Variants in DGKB observed in about 807,000 individuals in gnomAD.
DGKB encodes 90 kDa diacylglycerol kinase.
A neutral mutation model predicts 114.3 loss-of-function variants in DGKB; 67 were observed. That is an observed-to-expected ratio of 0.59 (90% CI 0.48 to 0.72). DGKB has a LOEUF of 0.72. DGKB is among the 30% of genes least tolerant of loss of function. The probability of loss-of-function intolerance (pLI) is 0.00; values close to 1 mark genes in which losing one functional copy is unlikely to be tolerated. For missense variants in DGKB, 907 were observed against 975.2 expected, an observed-to-expected ratio of 0.93 and a Z score of 0.93; for synonymous variants, 398 against 323.1, an observed-to-expected ratio of 1.23 and a Z score of -2.49.
At chr7:14,580,225 T>C (rs1389746999) in intron 19 of DGKB, among the ~76,000 whole-genome samples, 3 of 152,326 alleles carry the variant, frequency 2.0e-5, no homozygotes, top group South Asian at 2.1e-4. Context: ...CAGCTTTACA[T>C]GGCTGTGTCA....
Position 14,959,378 on chromosome 7 carries a change from G to GT in DGKB, c.-188+15317dup, listed in dbSNP as rs71549904. 2.1e-3 allele frequency among the ~76,000 whole-genome samples: 302 copies of GT among 145,816 alleles called. 2 individuals carry two copies. Among genetic ancestry groups the GT allele is most frequent in the East Asian group, 0.012 (59 of 4,948 alleles). On this transcript the variant is annotated intron_variant, in intron 1 of 4. Coordinates refer to the DGKB transcript ENST00000437998. ...TACCTGCAATTTTCAGTGAAATAGA[G>GT]TTTTTTTTTTTTAAATGTGTGTTTT... is the stretch of plus-strand genomic sequence containing the variant.
intron 1 of DGKB, among the ~76,000 whole-genome samples, chr7:14,956,536 G>C (rs1470543948): frequency 1.3e-5 from 2 of 152,020 alleles, no homozygotes; most frequent in Non-Finnish European, 1.5e-5. Context: ...ATGTGAAAAT[G>C]AACTGCTAAT....
At chr7:14,593,038 A>G (rs918087554) in intron 17 of DGKB, among the ~76,000 whole-genome samples, 1 of 152,100 alleles carries the variant, frequency 6.6e-6, no homozygotes, top group African/African-American at 2.4e-5. Flanking sequence ...ATTTGAATTA[A>G]TCTTTATAAA....
intron 25 of DGKB, among the ~76,000 whole-genome samples, chr7:14,162,918 C>G (rs1003307433): frequency 6.6e-6 from 1 of 152,196 alleles, no homozygotes; most frequent in South Asian, 2.1e-4. Flanking sequence ...CCCCTTTATC[C>G]AGGTCGATTT....
chr7:14,929,029 A>G (rs1408567397), intron 1 of DGKB, among the ~76,000 whole-genome samples: 2 of 149,130 alleles, frequency 1.3e-5, no homozygotes, highest in East Asian at 4.1e-4. Context: ...GTATACACAC[A>G]CACACACACA....
At chr7:14,913,004 T>C (rs890275008) in intron 1 of DGKB, among the ~76,000 whole-genome samples, 12 of 152,172 alleles carry the variant, frequency 7.9e-5, no homozygotes, top group Non-Finnish European at 1.3e-4. Context: ...CCCACTTTGT[T>C]CAACTTTCTT....
intron 23 of DGKB, among the ~76,000 whole-genome samples, chr7:14,241,185 A>G (rs1321863274): frequency 6.6e-6 from 1 of 152,142 alleles, no homozygotes; most frequent in Non-Finnish European, 1.5e-5. Flanking sequence ...CATTATTGTT[A>G]TTGTTATGAA....
chr7:14,720,477 G>A (rs1462493984), intron 5 of DGKB, among the ~76,000 whole-genome samples: 396 of 27,736 alleles, frequency 0.014, no homozygotes, highest in African/African-American at 0.06. Context: ...GCTGATTTGT[G>A]TGTGTGTGTG....
chr7:14,919,081 C>CACACACACACAA (rs1562875333), intron 1 of DGKB, among the ~76,000 whole-genome samples: 90 of 130,264 alleles, frequency 6.9e-4, no homozygotes, highest in African/African-American at 2.6e-3. Context: ...CACACACACA[C>CACACACACACAA]ACACACACAC....
At chr7:14,624,646 C>A (rs1326954524) in intron 14 of DGKB, among the ~76,000 whole-genome samples, 2 of 152,058 alleles carry the variant, frequency 1.3e-5, no homozygotes, top group Admixed American at 6.6e-5. Context: ...CAAGTAGTCA[C>A]CCCCCTAAGT....
intron 21 of DGKB, among the ~76,000 whole-genome samples, chr7:14,418,376 T>TACACACACACACACATATATTCAC: frequency 1.4e-5 from 1 of 72,224 alleles, no homozygotes; most frequent in African/African-American, 4.6e-5. Flanking sequence ...TGTGTGTATA[T>TACACACACACACACATATATTCAC]ATATATATAT....
chr7:14,799,522 T>G (rs1389953443), intron 2 of DGKB, among the ~76,000 whole-genome samples: 1 of 152,218 alleles, frequency 6.6e-6, no homozygotes, highest in Non-Finnish European at 1.5e-5. Flanking sequence ...TCATTCTGTC[T>G]CAATGGGATT....
chr7:14,625,465 C>G (rs1808407801), intron 14 of DGKB, among the ~76,000 whole-genome samples: 1 of 152,094 alleles, frequency 6.6e-6, no homozygotes, highest in Non-Finnish European at 1.5e-5. Context: ...CCCTGACTGG[C>G]AGACCTCTAT....
intron 1 of DGKB, among the ~76,000 whole-genome samples, chr7:14,864,730 G>C (rs1313820330): frequency 1.3e-5 from 2 of 151,994 alleles, no homozygotes; most frequent in African/African-American, 4.8e-5. Flanking sequence ...ACAACAGTCG[G>C]GGTGTTACAA....
At chr7:14,522,114 C>T (rs1789881000) in intron 20 of DGKB, among the ~76,000 whole-genome samples, 1 of 152,144 alleles carries the variant, frequency 6.6e-6, no homozygotes, top group Non-Finnish European at 1.5e-5. Context: ...CAGAGTTGTG[C>T]TTACCACCTT....
intron 1 of DGKB, among the ~76,000 whole-genome samples, chr7:14,952,869 A>G (rs1786281597): frequency 6.6e-6 from 1 of 152,180 alleles, no homozygotes; most frequent in Non-Finnish European, 1.5e-5. Flanking sequence ...TGAGGATATT[A>G]TATAAATCAA....
intron 16 of DGKB, among the ~76,000 whole-genome samples, chr7:14,612,848 C>T (rs190657458): frequency 5.9e-5 from 9 of 152,150 alleles, no homozygotes; most frequent in Middle Eastern, 3.4e-3. Context: ...TGCTGAAATA[C>T]CTGATAATGC....
intron 21 of DGKB, among the ~76,000 whole-genome samples, chr7:14,432,277 G>C (rs1828562219): frequency 6.6e-6 from 1 of 152,070 alleles, no homozygotes; most frequent in African/African-American, 2.4e-5. Flanking sequence ...TTTTTACCTT[G>C]AGTAAGAATT....
Position 14,884,949 on chromosome 7 carries a change from A to G in DGKB, c.-188+17643T>C, listed in dbSNP as rs181928682. ...AATCACGTAAAACTCAGAGAAAATG[A>G]AAAACAACAAAAAACTAAGGACTTT... On this transcript the variant is annotated intron_variant, in intron 1 of 25. Coordinates refer to ENST00000402815, the MANE Select transcript of DGKB (RefSeq NM_001350709.2). 3.5e-4 allele frequency among the ~76,000 whole-genome samples: 54 copies of G among 152,128 alleles called. No homozygotes were observed. In the East Asian group the frequency reaches 9.1e-3, roughly 26 times the overall value.
Sources: gnomAD v4.1 joint callset for allele counts (sites outside exome capture counted in the v4.1 genomes callset) on GRCh38, gnomAD v4.1.1 for gene constraint, MANE v1.5 for transcripts, NCBI Gene and HGNC (gene_info 2026-07-23, HGNC 2026-07-21) for gene names.